Variants in FAM13A observed in about 807,000 individuals in gnomAD.
FAM13A encodes family with sequence similarity 13 member A, also known as protein FAM13A.
Under a neutral mutation model 129.6 loss-of-function variants are expected in FAM13A, and 76 were observed. The ratio of observed to expected loss-of-function variants is 0.59; its 90% CI spans 0.49 to 0.71. The LOEUF is 0.71. Among genes scored for constraint, FAM13A ranks in the 30% least tolerant of loss-of-function variants. The probability of loss-of-function intolerance (pLI) is 0.00; values close to 1 mark genes in which losing one functional copy is unlikely to be tolerated. For missense variants in FAM13A, 1,108 were observed against 1,249.3 expected (o/e 0.89, Z 1.70); for synonymous variants, 443 against 449.9 (o/e 0.98, Z 0.20).
intron 7 of FAM13A, among the ~76,000 whole-genome samples, chr4:88,819,763 T>G (rs2149822388): frequency 6.6e-6 from 1 of 152,326 alleles, no homozygotes; most frequent in East Asian, 1.9e-4. Context: ...CCATATAAGT[T>G]GATACACTAT....
intron 6 of FAM13A, among the ~76,000 whole-genome samples, chr4:88,854,107 A>T (rs898722205): frequency 1.3e-5 from 2 of 152,222 alleles, no homozygotes; most frequent in African/African-American, 4.8e-5. Flanking sequence ...GTGTGAGTCA[A>T]TTCTCCTAAT....
intron 9 of FAM13A, 82 bp downstream of exon 9, chr4:88,790,504 C>CGTT: frequency 8.7e-7 from 1 of 1,151,698 alleles, no homozygotes. Flanking sequence ...ATTAGAGTTG[C>CGTT]TTTTTTTTTC....
chr4:88,900,549 G>A (rs1164838436), intron 6 of FAM13A, among the ~76,000 whole-genome samples: 1 of 152,004 alleles, frequency 6.6e-6, no homozygotes, highest in Non-Finnish European at 1.5e-5. Context: ...ACCAAATTAA[G>A]CTTCATAAGG....
rs909422281 is a variant in FAM13A, at chr4:88,972,288, C to T, written c.605+18685G>A. Among the ~76,000 whole-genome samples, 6 of 128,374 alleles carry T rather than the reference C, an allele frequency of 4.7e-5. No homozygotes were observed. In the South Asian group the frequency reaches 1.5e-3, roughly 32 times the overall value. 84.2% of individuals were successfully genotyped at this position (128,374 alleles called of 152,430 possible). A position where few individuals can be genotyped will look rare whatever the true frequency, so the allele number is the denominator to read the frequency against. ...TTTTGTTTGTCTGAAAAAGTTTCTG[C>T]TTCTCCTTCACTTTTTTTTTTTTTT... On this transcript the variant is annotated intron_variant, in intron 4 of 23. Transcript: ENST00000264344.
In FAM13A at chr4:88,725,976, TTTAATTC is replaced by T. The variant is rs1375241049; in HGVS notation, c.*2550_*2556del. 4 of 146,576 alleles carry T rather than the reference TTTAATTC, an allele frequency of 2.7e-5. No homozygotes were observed. The highest frequency in any genetic ancestry group is 2.1e-4 in the Admixed American group (3 of 14,280). 9.1% of individuals were successfully genotyped at this position (146,576 alleles called of 1,614,324 possible). On this transcript the variant is annotated 3_prime_UTR_variant, in exon 24 of 24. Transcript: ENST00000264344. ...TTATGAAAATTATAAGTCTGCACTC[TTTAATTC>T]TTAAGTTTACTTACACTTATGAAAT...
intron 5 of FAM13A, among the ~76,000 whole-genome samples, chr4:88,918,822 A>G (rs1364742334): frequency 1.3e-5 from 2 of 152,166 alleles, no homozygotes; most frequent in African/African-American, 4.8e-5. Context: ...CAGGGAAACC[A>G]TTTTCAGCCT....
intron 3 of FAM13A, among the ~76,000 whole-genome samples, chr4:89,018,716 T>C (rs562614864): frequency 4.4e-4 from 67 of 152,344 alleles, no homozygotes; most frequent in African/African-American, 1.4e-3. Flanking sequence ...GGGAGAGAGT[T>C]GCTAGAGAAA....
chr4:89,009,037 AG>A (rs1181047640), intron 3 of FAM13A: 1 of 152,188 alleles, frequency 6.6e-6, no homozygotes, highest in African/African-American at 2.4e-5. Context: ...GGTTTATTAA[AG>A]GATCAACTGT....
intron 6 of FAM13A, among the ~76,000 whole-genome samples, chr4:88,871,601 G>C (rs908290643): frequency 6.6e-6 from 1 of 152,136 alleles, no homozygotes; most frequent in Admixed American, 6.5e-5. Flanking sequence ...AGAGAAAAAA[G>C]AGTAAAAAGA....
chr4:88,929,562 T>C (rs1752727372), intron 5 of FAM13A, among the ~76,000 whole-genome samples: 1 of 152,158 alleles, frequency 6.6e-6, no homozygotes, highest in African/African-American at 2.4e-5. Context: ...TCCATATGTC[T>C]TGAAGGCTTT....
At chr4:88,906,497 A>C (rs1462053201) in intron 5 of FAM13A, 35 bp from the exon 6 acceptor site, 1 of 1,443,632 alleles carries the variant, frequency 6.9e-7, no homozygotes. Flanking sequence ...ATTAGAGATT[A>C]AAGAACACTT....
chr4:88,991,275 T>C (rs901987512), intron 3 of FAM13A, 125 bp from the exon 4 acceptor site: 1 of 645,610 alleles, frequency 1.5e-6, no homozygotes, highest in African/African-American at 1.8e-5. Flanking sequence ...GAGATAGGCC[T>C]TGTGTATTTG....
In FAM13A at chr4:88,731,372, T is replaced by G; in HGVS notation, c.2900A>C (p.Lys967Thr). The change falls in exon 23 of 24, where the codon AAG becomes ACG. Residue 967 changes from lysine to threonine, a missense_variant. Transcript: ENST00000264344. ...GTTGTCTTCAAAATCCCGAAGTTTCTTTCGAATCCTTTTCTTTTCTTCTCT... is the reference window on the plus strand; with the variant it reads ...GTTGTCTTCAAAATCCCGAAGTTTCGTTCGAATCCTTTTCTTTTCTTCTCT... ...EMREEKKRIRKKLRDFEDNFF... is the reference protein window; with the variant it reads ...EMREEKKRIRTKLRDFEDNFF... The G allele has an allele frequency of 3.1e-6, 5 of 1,608,716 alleles. No individual in the cohort carries two copies. Among genetic ancestry groups the G allele is most frequent in the Non-Finnish European group, 4.2e-6 (5 of 1,179,710 alleles).
intron 7 of FAM13A, among the ~76,000 whole-genome samples, chr4:88,845,669 A>T (rs1458732208): frequency 6.6e-6 from 1 of 152,240 alleles, no homozygotes; most frequent in Non-Finnish European, 1.5e-5. Context: ...AGAACACATT[A>T]TCAAACCTGT....
intron 14 of FAM13A, 49 bp from the exon 15 acceptor site, chr4:88,750,686 GGTT>G: frequency 7.0e-7 from 1 of 1,436,362 alleles, no homozygotes; most frequent in Non-Finnish European, 9.7e-7. Context: ...AAGAGGTCAG[GGTT>G]GTTCTTTAAA....
chr4:88,918,545 T>A (rs1162767816), intron 5 of FAM13A, among the ~76,000 whole-genome samples: 1 of 152,194 alleles, frequency 6.6e-6, no homozygotes, highest in Non-Finnish European at 1.5e-5. Flanking sequence ...CCTTCCTATT[T>A]AATGAGATCA....
At chr4:88,781,412 T>C in intron 10 of FAM13A, 61 bp from the exon 11 acceptor site, 1 of 1,167,750 alleles carries the variant, frequency 8.6e-7, no homozygotes. Flanking sequence ...TGAATGATAC[T>C]CTAACTACAT....
intron 6 of FAM13A, among the ~76,000 whole-genome samples, chr4:88,860,390 T>G (rs1739290731): frequency 6.6e-6 from 1 of 152,236 alleles, no homozygotes; most frequent in Non-Finnish European, 1.5e-5. Context: ...TTAAGCTGCT[T>G]CTTCTGGAAA....
chr4:89,005,626 T>C (rs1764894029), intron 3 of FAM13A, among the ~76,000 whole-genome samples: 1 of 152,222 alleles, frequency 6.6e-6, no homozygotes, highest in African/African-American at 2.4e-5. Flanking sequence ...GGTGAGATAA[T>C]ATCTCATTGT....
Sources: allele counts gnomAD v4.1 joint callset (sites outside exome capture counted in the v4.1 genomes callset), GRCh38; gene constraint gnomAD v4.1.1; transcripts MANE v1.5; gene names NCBI Gene and HGNC (gene_info 2026-07-23, HGNC 2026-07-21).